Variants in SYT16 observed in about 807,000 individuals in gnomAD.
The protein encoded by SYT16 is synaptotagmin 16.
Under a neutral mutation model 61.4 loss-of-function variants are expected in SYT16, and 42 were observed. The observed-to-expected ratio is 0.68, with a 90% CI of 0.53 to 0.89. SYT16 has a LOEUF of 0.89. SYT16 is among the 40% of genes least tolerant of loss of function. The probability of loss-of-function intolerance (pLI) is 0.00; values close to 1 mark genes in which losing one functional copy is unlikely to be tolerated. For missense variants in SYT16, 804 were observed against 807.3 expected, an observed-to-expected ratio of 1.00 and a Z score of 0.05; for synonymous variants, 314 against 302.3, an observed-to-expected ratio of 1.04 and a Z score of -0.40.
chr14:62,008,049 A>G (rs755925546), intron 3 of SYT16, among the ~76,000 whole-genome samples: 11 of 151,968 alleles, frequency 7.2e-5, no homozygotes, highest in Non-Finnish European at 1.2e-4. Context: ...GTCTTTTTTC[A>G]TGTATCTTAT....
chr14:62,059,901 C>G, intron 3 of SYT16, among the ~76,000 whole-genome samples: 1 of 151,848 alleles, frequency 6.6e-6, no homozygotes, highest in East Asian at 1.9e-4. Flanking sequence ...ATTACGTTGG[C>G]ACTGTTGTGA....
At chr14:62,011,868 T>TACAC (rs1491125020) in intron 3 of SYT16, among the ~76,000 whole-genome samples, 1,912 of 61,776 alleles carry the variant, frequency 0.031, 31 homozygotes, top group Non-Finnish European at 0.048. Flanking sequence ...CAGGGAACAC[T>TACAC]ATATATACAC....
At chr14:62,074,744 G>A (rs1319902469) in intron 4 of SYT16, among the ~76,000 whole-genome samples, 4 of 152,158 alleles carry the variant, frequency 2.6e-5, no homozygotes, top group African/African-American at 9.7e-5. Context: ...AAACACTGAA[G>A]AGGAAAGGAA....
intron 2 of SYT16, among the ~76,000 whole-genome samples, chr14:61,979,149 G>A (rs1217380225): frequency 6.6e-6 from 1 of 152,116 alleles, no homozygotes; most frequent in Non-Finnish European, 1.5e-5. Context: ...TGAAACAGAT[G>A]TAAAAATAAA....
chr14:61,847,386 C>A (rs560377060), intron 1 of SYT16, among the ~76,000 whole-genome samples: 1 of 152,176 alleles, frequency 6.6e-6, no homozygotes, highest in African/African-American at 2.4e-5. Flanking sequence ...TCTCTCCTGA[C>A]CTGTATGGTT....
At chr14:61,835,642 C>G (rs2140243312) in intron 1 of SYT16, among the ~76,000 whole-genome samples, 1 of 152,006 alleles carries the variant, frequency 6.6e-6, no homozygotes, top group South Asian at 2.1e-4. Context: ...AAAAATACTG[C>G]CAGAATATTC....
intron 1 of SYT16, among the ~76,000 whole-genome samples, chr14:61,865,492 G>T (rs575054622): frequency 2.0e-5 from 3 of 152,306 alleles, no homozygotes; most frequent in African/African-American, 7.2e-5. Flanking sequence ...TTGGAATATT[G>T]TGGGGGACCT....
chr14:62,057,946 C>T (rs1427715680), intron 3 of SYT16, among the ~76,000 whole-genome samples: 1 of 152,146 alleles, frequency 6.6e-6, no homozygotes, highest in African/African-American at 2.4e-5. Context: ...CTCTCTCTAA[C>T]CCCACCCCAG....
chr14:62,099,016 G>C (rs531725724), intron 7 of SYT16, among the ~76,000 whole-genome samples: 3 of 152,142 alleles, frequency 2.0e-5, no homozygotes, highest in Non-Finnish European at 4.4e-5. Flanking sequence ...TTGGGTTGGA[G>C]GAGGGGAGGA....
At chr14:61,864,634 C>T (rs766708968) in intron 1 of SYT16, among the ~76,000 whole-genome samples, 31 of 152,252 alleles carry the variant, frequency 2.0e-4, no homozygotes, top group Admixed American at 6.5e-4. Context: ...CTCAATTTGG[C>T]GGTGGAATGA....
chr14:61,960,390 G>T (rs888561681), intron 1 of SYT16, among the ~76,000 whole-genome samples: 3 of 152,100 alleles, frequency 2.0e-5, no homozygotes, highest in Non-Finnish European at 4.4e-5. Flanking sequence ...GCAGTGTTTT[G>T]TAGTTCTCAT....
intron 1 of SYT16, among the ~76,000 whole-genome samples, chr14:61,819,845 C>T (rs1401303158): frequency 1.3e-5 from 2 of 152,158 alleles, no homozygotes; most frequent in East Asian, 1.9e-4. Context: ...TTTAACTTCC[C>T]GGAGGCTTTG....
intron 1 of SYT16, among the ~76,000 whole-genome samples, chr14:61,850,784 C>G (rs1198113318): frequency 6.6e-6 from 1 of 152,110 alleles, no homozygotes; most frequent in Non-Finnish European, 1.5e-5. Context: ...CTTCAGATTA[C>G]TTTTGAGGCC....
At chr14:62,018,422 C>A (rs1444908570) in intron 3 of SYT16, among the ~76,000 whole-genome samples, 1 of 150,006 alleles carries the variant, frequency 6.7e-6, no homozygotes, top group African/African-American at 2.4e-5. Context: ...ATTCTCCTAC[C>A]TCAGCCTCCC....
chr14:62,078,499 A>C (rs569116656), intron 5 of SYT16, among the ~76,000 whole-genome samples: 107 of 152,316 alleles, frequency 7.0e-4, no homozygotes, highest in African/African-American at 2.5e-3. Flanking sequence ...AATGTTTCTT[A>C]GTTGGGTTCC....
At chr14:61,817,051 ATTAT>A (rs2045463867) in intron 1 of SYT16, among the ~76,000 whole-genome samples, 2 of 151,268 alleles carry the variant, frequency 1.3e-5, no homozygotes, top group Admixed American at 1.3e-4. Context: ...TTCCCCAAAG[ATTAT>A]TTATTAATTG....
chr14:61,927,476 G>A (rs2049583536), intron 1 of SYT16, among the ~76,000 whole-genome samples: 1 of 152,058 alleles, frequency 6.6e-6, no homozygotes, highest in South Asian at 2.1e-4. Flanking sequence ...TTCCCTAAAG[G>A]GAATAATTAC....
Position 62,011,870 on chromosome 14 carries a change from T to TACACACACACACACAC in SYT16, c.523+15329_523+15330insCACACACACACACACA, listed in dbSNP as rs1351640578. ...GTCTACCACAAGTCAGGGAACACTA[T>TACACACACACACACAC]ATATACACACACACACACACACACA... On this transcript the variant is annotated intron_variant, in intron 3 of 7. Coordinates refer to ENST00000683842, the MANE Select transcript of SYT16 (RefSeq NM_001367656.1). Among the ~76,000 whole-genome samples, 520 of 124,022 alleles carry TACACACACACACACAC rather than the reference T, an allele frequency of 4.2e-3. 24 individuals carry two copies. The highest frequency in any genetic ancestry group is 0.018 in the African/African-American group (469 of 25,422). 81.4% of individuals were successfully genotyped at this position (124,022 alleles called of 152,430 possible). A position where few individuals can be genotyped will look rare whatever the true frequency, so the allele number is the denominator to read the frequency against.
At chr14:61,813,627 G>A (rs534999398) in intron 1 of SYT16, among the ~76,000 whole-genome samples, 2 of 152,254 alleles carry the variant, frequency 1.3e-5, no homozygotes, top group African/African-American at 4.8e-5. Flanking sequence ...GGGGCTGGAT[G>A]TGCTGGCTCA....
Sources: gnomAD v4.1 joint callset for allele counts (sites outside exome capture counted in the v4.1 genomes callset) on GRCh38, gnomAD v4.1.1 for gene constraint, MANE v1.5 for transcripts, NCBI Gene and HGNC (gene_info 2026-07-23, HGNC 2026-07-21) for gene names.